AGAP1: variants seen among roughly 807,000 people sequenced by gnomAD.
AGAP1 encodes the protein ArfGAP with GTPase domain, ankyrin repeat and PH domain 1.
A neutral mutation model predicts 105.3 loss-of-function variants in AGAP1; 29 were observed. The ratio of observed to expected loss-of-function variants is 0.28; its 90% CI spans 0.21 to 0.38. The LOEUF is 0.38. Among genes scored for constraint, AGAP1 ranks in the 10% least tolerant of loss-of-function variants. The probability of loss-of-function intolerance (pLI) is 1.00; values close to 1 mark genes in which losing one functional copy is unlikely to be tolerated. For missense variants in AGAP1, 998 were observed against 1,165.1 expected (o/e 0.86, Z 2.09); for synonymous variants, 509 against 485.9 (o/e 1.05, Z -0.63).
Position 235,620,694 on chromosome 2 carries a change from C to T in AGAP1, c.164-88485C>T, listed in dbSNP as rs1005183640. Reference sequence around the variant, plus strand: ...CTGACATGTCTGGTGTCTCTCTCTCCCCACTGGATGGAATATAAGGGCTTG... The same window carrying T: ...CTGACATGTCTGGTGTCTCTCTCTCTCCACTGGATGGAATATAAGGGCTTG... On this transcript the variant is annotated intron_variant, in intron 1 of 17. Coordinates refer to ENST00000304032, the MANE Select transcript of AGAP1 (RefSeq NM_001037131.3). The surrounding 1 kb of genome is among the most constrained non-coding windows in gnomAD (Gnocchi z 4.5). 1.3e-5 allele frequency among the ~76,000 whole-genome samples: 2 copies of T among 152,210 alleles called. No individual in the cohort carries two copies. The highest frequency in any genetic ancestry group is 4.8e-5 in the African/African-American group (2 of 41,458).
At chr2:236,107,802 G>A (rs776552315) in intron 16 of AGAP1, among the ~76,000 whole-genome samples, 27 of 152,210 alleles carry the variant, frequency 1.8e-4, no homozygotes, top group Non-Finnish European at 3.1e-4. Context: ...TGCACCTGCC[G>A]GGGGATCTGC....
At chr2:235,826,011 CAG>C (rs1260651495) in intron 9 of AGAP1, among the ~76,000 whole-genome samples, 2 of 150,474 alleles carry the variant, frequency 1.3e-5, no homozygotes, top group African/African-American at 2.5e-5. Context: ...AAATTAAAAA[CAG>C]AAAAAAAAAA....
chr2:235,504,153 T>G (rs920517167), intron 1 of AGAP1, among the ~76,000 whole-genome samples: 1 of 151,020 alleles, frequency 6.6e-6, no homozygotes, highest in Non-Finnish European at 1.5e-5. Flanking sequence ...CGAACTCTCT[T>G]TTTTTTTTGA....
chr2:235,631,683 C>G lies in AGAP1; in HGVS notation c.164-77496C>G, dbSNP rs756448927. On this transcript the variant is annotated intron_variant, in intron 1 of 17. Transcript: ENST00000304032. This position sits in a 1 kb window ranked among gnomAD's most constrained non-coding sequence, Gnocchi z 5.4. The stretch of plus-strand genomic sequence containing the variant: ...TGTGCTTAGGTGACCTTCGATGGCA[C>G]GGGGGATAGCAGTATCTGCTTCACA... 1.3e-5 allele frequency among the ~76,000 whole-genome samples: 2 copies of G among 152,190 alleles called. No individual in the cohort carries two copies. Among genetic ancestry groups the G allele is most frequent in the Non-Finnish European group, 2.9e-5 (2 of 68,036 alleles).
At position 235,927,309 on chromosome 2, in the gene AGAP1, C is replaced by A. The variant is rs567353520; in HGVS notation, c.1325-3456C>A. Among the ~76,000 whole-genome samples, 4 of 152,244 alleles carry A rather than the reference C, an allele frequency of 2.6e-5. No individual in the cohort carries two copies. The highest frequency in any genetic ancestry group is 7.2e-5 in the African/African-American group (3 of 41,536). Reference sequence around the variant, plus strand: ...TCACCCCAGAGGTTCCAGGTTGGTTCCTTGGGGACTCTCTCAGGAGGCAGA... The same window carrying A: ...TCACCCCAGAGGTTCCAGGTTGGTTACTTGGGGACTCTCTCAGGAGGCAGA... On this transcript the variant is annotated intron_variant, in intron 11 of 17. Coordinates refer to ENST00000304032, the MANE Select transcript of AGAP1 (RefSeq NM_001037131.3). The surrounding 1 kb of genome is among the most constrained non-coding windows in gnomAD (Gnocchi z 4.4).
At chr2:235,923,060 G>A (rs529837554) in intron 11 of AGAP1, among the ~76,000 whole-genome samples, 1 of 152,320 alleles carries the variant, frequency 6.6e-6, no homozygotes, top group Admixed American at 6.5e-5. Context: ...GTCACCCCCT[G>A]CTAATCGGGG....
chr2:235,668,441 A>T (rs1948202813), intron 1 of AGAP1, among the ~76,000 whole-genome samples: 1 of 152,176 alleles, frequency 6.6e-6, no homozygotes, highest in African/African-American at 2.4e-5. Context: ...TCCCAAAGTA[A>T]TGCTTCCACC....
At position 236,104,958 on chromosome 2, in the gene AGAP1, G is replaced by A. The variant is rs116350178; in HGVS notation, c.2115-15234G>A. ...CCTCGAGGTACCAGAGCAGAGCTGT[G>A]GATGCCCGTCTAAGCCTGTGCCCAT... On this transcript the variant is annotated intron_variant, in intron 16 of 17. Transcript: ENST00000304032. This position sits in a 1 kb window ranked among gnomAD's most constrained non-coding sequence, Gnocchi z 4.7. Among the ~76,000 whole-genome samples the A allele has an allele frequency of 6.3e-3, 959 of 152,278 alleles. 4 individuals carry two copies. Among genetic ancestry groups the A allele is most frequent in the Middle Eastern group, 0.014 (4 of 294 alleles).
At chr2:235,554,158 C>T (rs934874079) in intron 1 of AGAP1, among the ~76,000 whole-genome samples, 1 of 152,244 alleles carries the variant, frequency 6.6e-6, no homozygotes, top group African/African-American at 2.4e-5. Context: ...GCCTATAAGA[C>T]AGCACATTAA....
At chr2:235,767,110 C>T (rs1427357573) in intron 6 of AGAP1, among the ~76,000 whole-genome samples, 1 of 152,102 alleles carries the variant, frequency 6.6e-6, no homozygotes, top group Non-Finnish European at 1.5e-5. Context: ...GGGATTTCGA[C>T]ATCTTGGCCA....
Position 235,877,292 on chromosome 2 carries a change from A to G in AGAP1, c.1051-6053A>G, listed in dbSNP as rs2049792027. ...TTAAATAGATATAAAAGTTATATTTATTAAACATTTAAATTAATACCATTA... is the reference window on the plus strand; with the variant it reads ...TTAAATAGATATAAAAGTTATATTTGTTAAACATTTAAATTAATACCATTA... On this transcript the variant is annotated intron_variant, in intron 9 of 17. Transcript: ENST00000304032. The surrounding 1 kb of genome is among the most constrained non-coding windows in gnomAD (Gnocchi z 4.3). 6.6e-6 allele frequency among the ~76,000 whole-genome samples: 1 copy of G among 152,218 alleles called. No individual in the cohort carries two copies. Among genetic ancestry groups the G allele is most frequent in the Non-Finnish European group, 1.5e-5 (1 of 68,038 alleles).
At chr2:235,522,386 A>AGACG (rs1449256473) in intron 1 of AGAP1, among the ~76,000 whole-genome samples, 2 of 152,182 alleles carry the variant, frequency 1.3e-5, no homozygotes, top group Non-Finnish European at 2.9e-5. Context: ...CTCCTCCGTA[A>AGACG]GACGCTCAGC....
chr2:235,980,987 C>G (rs966073773), intron 13 of AGAP1, among the ~76,000 whole-genome samples: 1 of 152,180 alleles, frequency 6.6e-6, no homozygotes, highest in African/African-American at 2.4e-5. Flanking sequence ...TTTGCCTCCT[C>G]CTGTTATGCT....
chr2:235,833,514 T>G (rs1395125294), intron 9 of AGAP1, among the ~76,000 whole-genome samples: 1 of 151,904 alleles, frequency 6.6e-6, no homozygotes, highest in Non-Finnish European at 1.5e-5. Context: ...AAGGCCCTCA[T>G]GCTCACCTTG....
At chr2:236,117,706 C>T (rs1576344966) in intron 16 of AGAP1, among the ~76,000 whole-genome samples, 1 of 152,312 alleles carries the variant, frequency 6.6e-6, no homozygotes, top group Non-Finnish European at 1.5e-5. Context: ...TCACCGTCAT[C>T]CCTTTTCATT....
chr2:235,999,130 AT>A (rs2055958227), intron 13 of AGAP1, among the ~76,000 whole-genome samples: 1 of 124,586 alleles, frequency 8.0e-6, no homozygotes. Context: ...AATGATAGTG[AT>A]TGTGGTGACG....
At position 235,739,652 on chromosome 2, in the gene AGAP1, T is replaced by G. The variant is rs1952458295; in HGVS notation, c.311-1311T>G. Among the ~76,000 whole-genome samples the G allele has an allele frequency of 6.6e-6, 1 of 152,252 alleles. No homozygotes were observed. The highest frequency in any genetic ancestry group is 2.4e-5 in the African/African-American group (1 of 41,466). On this transcript the variant is annotated intron_variant, in intron 3 of 17. Transcript: ENST00000304032. The surrounding 1 kb of genome is among the most constrained non-coding windows in gnomAD (Gnocchi z 5.3). ...CTGCCTGTGATGGTGGCATAGGTGTTGAGTGTGAGCACACGAGCATGGCAG... is the reference window on the plus strand; with the variant it reads ...CTGCCTGTGATGGTGGCATAGGTGTGGAGTGTGAGCACACGAGCATGGCAG...
intron 13 of AGAP1, among the ~76,000 whole-genome samples, chr2:235,990,074 C>G (rs968209547): frequency 6.6e-6 from 1 of 152,200 alleles, no homozygotes; most frequent in African/African-American, 2.4e-5. Context: ...ACAAGCCGTT[C>G]TTATGTTGTC....
intron 11 of AGAP1, among the ~76,000 whole-genome samples, chr2:235,910,451 G>A (rs2051548642): frequency 6.6e-6 from 1 of 152,194 alleles, no homozygotes; most frequent in Admixed American, 6.5e-5. Flanking sequence ...TCTATGACCT[G>A]CTGACCTTTC....
Sources: gnomAD v4.1 joint callset for allele counts (sites outside exome capture counted in the v4.1 genomes callset) on GRCh38, gnomAD v4.1.1 for gene constraint, Gnocchi (gnomAD v3.1) non-coding constraint, MANE v1.5 for transcripts, NCBI Gene and HGNC (gene_info 2026-07-23, HGNC 2026-07-21) for gene names.